The following CASP9 variants were observed in gnomAD, a reference collection of about 807,000 sequenced individuals.
CASP9 encodes caspase 9.
A neutral mutation model predicts 43.5 loss-of-function variants in CASP9; 29 were observed. The observed-to-expected ratio is 0.67, with a 90% confidence interval of 0.50 to 0.91. The LOEUF (loss-of-function observed/expected upper bound fraction) is 0.91. Ranked by LOEUF, CASP9 falls within the 40% of genes least tolerant of loss-of-function variation. CASP9 has a pLI of 0.00. For missense variants in CASP9, 575 were observed against 537.4 expected, an observed-to-expected ratio of 1.07 and a Z score of -0.69; for synonymous variants, 206 against 211.9, an observed-to-expected ratio of 0.97 and a Z score of 0.24.
chr1:15,521,082 G>C (rs541077921), intron 1 of CASP9, among the ~76,000 whole-genome samples: 1 of 151,614 alleles, frequency 6.6e-6, no homozygotes, highest in Non-Finnish European at 1.5e-5. Flanking sequence ...GCATGAACCC[G>C]GGAGGCGGAG....
intron 4 of CASP9, among the ~76,000 whole-genome samples, chr1:15,506,522 G>A (rs1018489520): frequency 4.6e-5 from 7 of 151,858 alleles, no homozygotes; most frequent in African/African-American, 1.7e-4. Flanking sequence ...GCACTTTCTC[G>A]GTTTCCCAGG....
In CASP9 at chr1:15,492,896, A is replaced by T. The variant is rs1325073774; in HGVS notation, c.*47T>A. 6.2e-7 allele frequency: 1 copy of T among 1,607,722 alleles called. No individual in the cohort carries two copies. The highest frequency in any genetic ancestry group is 1.1e-5 in the South Asian group (1 of 90,842). ...CCTCAGCCTCTTTCAGGCCTGGGGC[A>T]GGAAAGCTTTGGGGTGCAAGATAAG... On this transcript the variant is annotated 3_prime_UTR_variant, in exon 9 of 9. Transcript: ENST00000333868.
chr1:15,516,068 G>A (rs1205238434), intron 2 of CASP9, among the ~76,000 whole-genome samples: 2 of 152,052 alleles, frequency 1.3e-5, no homozygotes, highest in African/African-American at 4.8e-5. Context: ...CAGGCATGGT[G>A]GCGGCTGCCT....
At chr1:15,504,837 A>C (rs1709458761) in intron 5 of CASP9, 79 bp from the exon 6 acceptor site, 4 of 1,455,544 alleles carry the variant, frequency 2.7e-6, no homozygotes, top group South Asian at 1.3e-5. Context: ...GTTTTGTGGG[A>C]GCCAAGGATT....
chr1:15,523,862 C>T (rs1227060368), intron 1 of CASP9, among the ~76,000 whole-genome samples: 5 of 150,586 alleles, frequency 3.3e-5, no homozygotes, highest in Admixed American at 3.3e-4. Flanking sequence ...TTTTCCTTTA[C>T]ACAAGAAACA....
At chr1:15,493,733 G>C (rs1283304380) in intron 8 of CASP9, 159 bp downstream of exon 8, 2 of 1,513,148 alleles carry the variant, frequency 1.3e-6, no homozygotes, top group Admixed American at 2.0e-5. Flanking sequence ...CTCTCATAAA[G>C]AGACACAAAA....
rs115571226 is a variant in CASP9 at position 15,510,682 on chromosome 1, C to T, written c.419-2775G>A. 4.3e-3 allele frequency among the ~76,000 whole-genome samples: 653 copies of T among 152,078 alleles called. 3 individuals carry two copies. Among genetic ancestry groups the T allele is most frequent in the African/African-American group, 0.014 (594 of 41,486 alleles). On this transcript the variant is annotated intron_variant, in intron 2 of 8. Coordinates refer to ENST00000333868, the MANE Select transcript of CASP9 (RefSeq NM_001229.5). ...GAGGAGACACTCCAGGCAGAGGCCC[C>T]GGCATGAGCAAAGGCAGGGAGGATG...
At chr1:15,493,072 G>A in intron 8 of CASP9, 37 bp from the exon 9 acceptor site, 4 of 1,612,878 alleles carry the variant, frequency 2.5e-6, no homozygotes, top group Non-Finnish European at 3.4e-6. Flanking sequence ...TGTGAGTTCA[G>A]TTCTCTGGAC....
rs771309276 is a variant in CASP9, at chr1:15,493,996, CA to C, written c.1053del (p.Phe351LeufsTer43). 115 of 1,587,818 alleles carry C rather than the reference CA, an allele frequency of 7.2e-5. No individual in the cohort carries two copies. The highest frequency in any genetic ancestry group is 8.9e-5 in the Non-Finnish European group (104 of 1,166,978). On this transcript the variant is annotated frameshift_variant, in exon 8 of 9. Transcript: ENST00000333868. LOFTEE classifies it high-confidence loss of function. ...CCACTCTTGGGGTCCCTCCAGGAAA[CA>C]AAACCTTTGGAGGGAGGAGGGCTGA... ...IFVSYSTFPG[F>X]VSWRDPKSGS...
chr1:15,503,286 G>T (rs1240803303), intron 6 of CASP9, among the ~76,000 whole-genome samples: 1 of 152,120 alleles, frequency 6.6e-6, no homozygotes, highest in East Asian at 1.9e-4. Flanking sequence ...AGCTACTCAG[G>T]AGGCTGAGGT....
upstream of CASP9, chr1:15,524,333 C>T (rs1297100527): frequency 2.1e-6 from 3 of 1,430,232 alleles, no homozygotes; most frequent in East Asian, 2.9e-5. Context: ...TCTTCGCTCC[C>T]CACCGCCTCC....
chr1:15,524,240 C>A, upstream of CASP9: 3 of 1,526,314 alleles, frequency 2.0e-6, no homozygotes, highest in Non-Finnish European at 2.6e-6. Context: ...CCTCAGTCCG[C>A]TTCCGGGCCT....
chr1:15,493,497 G>T, intron 8 of CASP9: 1 of 1,327,522 alleles, frequency 7.5e-7, no homozygotes, highest in Non-Finnish European at 9.6e-7. Flanking sequence ...TGTACAAGGA[G>T]GGGTTCACAA....
At chr1:15,509,460 C>CAA (rs563284288) in intron 2 of CASP9, among the ~76,000 whole-genome samples, 1 of 105,670 alleles carries the variant, frequency 9.5e-6, no homozygotes, top group Non-Finnish European at 1.9e-5. Flanking sequence ...ACTAAAAATA[C>CAA]AAAAAAAAAA....
chr1:15,509,542 G>A (rs1019853844), intron 2 of CASP9, among the ~76,000 whole-genome samples: 1 of 151,620 alleles, frequency 6.6e-6, no homozygotes, highest in African/African-American at 2.4e-5. Flanking sequence ...GGCTGAGGCA[G>A]GAGAATCGCT....
intron 3 of CASP9, 43 bp downstream of exon 3, chr1:15,507,830 G>A (rs757742144): frequency 1.3e-5 from 21 of 1,604,142 alleles, no homozygotes; most frequent in Non-Finnish European, 1.7e-5. Flanking sequence ...GGAGGGAAGG[G>A]CCCAGAGCCC....
At position 15,492,934 on chromosome 1, in the gene CASP9, G is replaced by A. The variant is rs761976018; in HGVS notation, c.*9C>T. On this transcript the variant is annotated 3_prime_UTR_variant, in exon 9 of 9. Coordinates refer to ENST00000333868, the MANE Select transcript of CASP9 (RefSeq NM_001229.5). The stretch of plus-strand genomic sequence containing the variant: ...GGTGCAAGATAAGGCAGGGTGAGGG[G>A]CCCTGGCCTTATGATGTTTTAAAGA... 6.8e-6 allele frequency: 11 copies of A among 1,613,212 alleles called. No individual in the cohort carries two copies. The African/African-American group carries it at 9.3e-5, about 14-fold the overall frequency.
chr1:15,493,241 G>C, intron 8 of CASP9: 1 of 1,406,918 alleles, frequency 7.1e-7, no homozygotes. Flanking sequence ...AATTCATAAA[G>C]TTCAAATCAG....
chr1:15,516,672 A>G (rs1423085501), intron 2 of CASP9, among the ~76,000 whole-genome samples: 3 of 152,196 alleles, frequency 2.0e-5, no homozygotes, highest in Admixed American at 2.0e-4. Context: ...ATAAGTTGGT[A>G]GCATCTATCG....
Sources: allele counts gnomAD v4.1 joint callset (sites outside exome capture counted in the v4.1 genomes callset), GRCh38; gene constraint gnomAD v4.1.1; transcripts MANE v1.5; gene names NCBI Gene and HGNC (gene_info 2026-07-23, HGNC 2026-07-21).